The following STAU2 variants were observed in gnomAD, a reference collection of about 807,000 sequenced individuals.
The protein encoded by STAU2 is double-stranded RNA-binding protein Staufen homolog 2.
Under a neutral mutation model 65.9 loss-of-function variants are expected in STAU2, and 20 were observed. The ratio of observed to expected loss-of-function variants is 0.30; its 90% CI spans 0.21 to 0.44. The LOEUF is 0.44. STAU2 is among the 20% of genes least tolerant of loss of function. STAU2 has a pLI of 1.00. For synonymous variants in STAU2, 232 were observed against 233.9 expected (o/e 0.99, Z 0.07); for missense variants, 558 against 683.9 (o/e 0.82, Z 2.05).
intron 12 of STAU2, among the ~76,000 whole-genome samples, chr8:73,563,478 C>T (rs540655730): frequency 2.0e-5 from 3 of 152,224 alleles, no homozygotes; most frequent in South Asian, 4.2e-4. Context: ...ATGGCTATAA[C>T]AGCACAACAT....
At chr8:73,581,525 C>T (rs1453593106) in intron 12 of STAU2, among the ~76,000 whole-genome samples, 3 of 152,166 alleles carry the variant, frequency 2.0e-5, no homozygotes, top group African/African-American at 4.8e-5. Flanking sequence ...AAGTACTTTA[C>T]ATAAAACTGC....
intron 6 of STAU2, among the ~76,000 whole-genome samples, chr8:73,622,147 A>T (rs1430531215): frequency 2.7e-4 from 1 of 3,722 alleles, no homozygotes; most frequent in East Asian, 0.012. Context: ...TTTTTTTTTG[A>T]GACGGAGTCT....
intron 13 of STAU2, among the ~76,000 whole-genome samples, chr8:73,470,396 A>G (rs898539095): frequency 1.3e-5 from 2 of 152,204 alleles, no homozygotes; most frequent in Admixed American, 1.3e-4. Flanking sequence ...ATAATACCCA[A>G]TACAGGGTAG....
intron 12 of STAU2, among the ~76,000 whole-genome samples, chr8:73,564,552 A>G: frequency 6.6e-6 from 1 of 152,042 alleles, no homozygotes; most frequent in East Asian, 1.9e-4. Flanking sequence ...AAAATAACTA[A>G]CAGGTACTAG....
intron 13 of STAU2, among the ~76,000 whole-genome samples, chr8:73,457,611 G>A (rs1267843145): frequency 2.6e-5 from 4 of 152,194 alleles, no homozygotes; most frequent in African/African-American, 9.7e-5. Context: ...TCCCTATGAC[G>A]CCAAGGCTTT....
intron 4 of STAU2, among the ~76,000 whole-genome samples, chr8:73,702,030 A>C (rs1310040371): frequency 6.6e-6 from 1 of 152,136 alleles, no homozygotes; most frequent in Non-Finnish European, 1.5e-5. Context: ...AAATCAAAAC[A>C]ATTGAATTCA....
At chr8:73,661,642 T>C (rs1480831770) in intron 6 of STAU2, among the ~76,000 whole-genome samples, 1 of 152,224 alleles carries the variant, frequency 6.6e-6, no homozygotes, top group Non-Finnish European at 1.5e-5. Flanking sequence ...TTTCTGTCAC[T>C]ACGGATTAGT....
intron 13 of STAU2, among the ~76,000 whole-genome samples, chr8:73,493,368 G>C (rs34647959): frequency 0.11 from 16,771 of 151,638 alleles, 1,276 homozygotes; most frequent in African/African-American, 0.22. Context: ...AACAGACTAA[G>C]AGAAAACATT....
intron 13 of STAU2, among the ~76,000 whole-genome samples, chr8:73,519,348 T>C (rs558424350): frequency 6.6e-6 from 1 of 152,362 alleles, no homozygotes; most frequent in African/African-American, 2.4e-5. Context: ...GACGTCTCTT[T>C]AGATTCTGAG....
chr8:73,576,181 T>G (rs1252288370), intron 12 of STAU2, among the ~76,000 whole-genome samples: 1 of 152,068 alleles, frequency 6.6e-6, no homozygotes, highest in East Asian at 1.9e-4. Flanking sequence ...CCCATAGAAA[T>G]GTTCAAAAAT....
chr8:73,479,451 T>C (rs2128909459), intron 13 of STAU2, among the ~76,000 whole-genome samples: 1 of 129,182 alleles, frequency 7.7e-6, no homozygotes, highest in South Asian at 2.8e-4. Flanking sequence ...CCCCTCTCTC[T>C]TCCTGCTTTC....
intron 13 of STAU2, among the ~76,000 whole-genome samples, chr8:73,426,926 ATTTTT>A (rs34400355): frequency 7.7e-6 from 1 of 129,940 alleles, no homozygotes; most frequent in Non-Finnish European, 1.6e-5. Context: ...ATTTTTAAAG[ATTTTT>A]TTTTTTTTTT....
At position 73,552,283 on chromosome 8, in the gene STAU2, T is replaced by C; in HGVS notation, c.1259A>G (p.Tyr420Cys). 7 of 1,613,610 alleles carry C rather than the reference T, an allele frequency of 4.3e-6. No homozygotes were observed. Among genetic ancestry groups the C allele is most frequent in the Non-Finnish European group, 5.9e-6 (7 of 1,179,734 alleles). Residue 420 changes from tyrosine (Y) to cysteine (C), a missense_variant, in exon 13 of 15, where the codon TAT becomes TGT. By Grantham distance (194) the Tyr-to-Cys change is radical. Transcript: ENST00000524300. ...GTGGCGGCTGGCTTCCATCTCTTGA[T>C]AAACATCAGGAGACAAATGAAGAAT... ...KGILHLSPDVYQEMEASRHKV... is the reference protein window; with the variant it reads ...KGILHLSPDVCQEMEASRHKV...
At chr8:73,457,600 G>A (rs954947601) in intron 13 of STAU2, among the ~76,000 whole-genome samples, 2 of 152,192 alleles carry the variant, frequency 1.3e-5, no homozygotes, top group South Asian at 2.1e-4. Flanking sequence ...CATCTCCCAC[G>A]TCCCTATGAC....
At chr8:73,737,838 T>C (rs1054468375) in intron 3 of STAU2, among the ~76,000 whole-genome samples, 8 of 151,656 alleles carry the variant, frequency 5.3e-5, no homozygotes, top group African/African-American at 1.9e-4. Context: ...AAGTATTAAA[T>C]GCTGTAGTTT....
chr8:73,481,527 A>AC (rs1820631539), intron 13 of STAU2, among the ~76,000 whole-genome samples: 1 of 116,154 alleles, frequency 8.6e-6, no homozygotes, highest in Non-Finnish European at 1.8e-5. Context: ...AAAAAAAAAA[A>AC]ACACTTTTTT....
chr8:73,578,586 G>C (rs1809750665), intron 12 of STAU2, among the ~76,000 whole-genome samples: 1 of 152,180 alleles, frequency 6.6e-6, no homozygotes, highest in African/African-American at 2.4e-5. Flanking sequence ...ACAGCAATGA[G>C]AATATGTATG....
At chr8:73,729,361 T>A (rs1327516807) in intron 3 of STAU2, among the ~76,000 whole-genome samples, 1 of 152,238 alleles carries the variant, frequency 6.6e-6, no homozygotes, top group East Asian at 1.9e-4. Flanking sequence ...TATTGGTCTG[T>A]AATTTTCGCA....
chr8:73,513,930 C>T (rs537585672), intron 13 of STAU2, among the ~76,000 whole-genome samples: 24 of 152,334 alleles, frequency 1.6e-4, no homozygotes, highest in African/African-American at 5.5e-4. Flanking sequence ...AGAAACACCA[C>T]AAAATCCTAA....
Sources: gnomAD v4.1 joint callset for allele counts (sites outside exome capture counted in the v4.1 genomes callset) on GRCh38, gnomAD v4.1.1 for gene constraint, MANE v1.5 for transcripts, NCBI Gene and HGNC (gene_info 2026-07-23, HGNC 2026-07-21) for gene names.